Variants in PDE12 observed in about 807,000 individuals in gnomAD.
PDE12 encodes phosphodiesterase 12, also known as 2',5'-phosphodiesterase 12.
In PDE12, 26 loss-of-function variants were observed where a neutral mutation model predicts 45.4. The ratio of observed to expected loss-of-function variants is 0.57; its 90% confidence interval spans 0.42 to 0.79. The LOEUF (loss-of-function observed/expected upper bound fraction) is 0.79. Ranked by LOEUF, PDE12 falls within the 30% of genes least tolerant of loss-of-function variation. The pLI, the probability that PDE12 is intolerant of heterozygous loss-of-function variation, is 0.00. For synonymous variants in PDE12, 283 were observed against 323.9 expected (o/e 0.87, Z 1.36); for missense variants, 668 against 790.0 (o/e 0.85, Z 1.85).
At chr3:57,647,513 G>A in the PDE12 span, among the ~76,000 whole-genome samples, 4 of 152,156 alleles carry the variant, frequency 2.6e-5, no homozygotes, top group Non-Finnish European at 4.4e-5. Context: ...CAAATGTGGT[G>A]AGCAATGTAT....
At chr3:57,568,875 A>G (rs972098139), downstream of PDE12, among the ~76,000 whole-genome samples, 1 of 138,320 alleles carries the variant, frequency 7.2e-6, no homozygotes, top group Non-Finnish European at 1.6e-5. Flanking sequence ...AAAAAAAAAA[A>G]TGCTTATTGG....
At chr3:57,596,768 A>T in the PDE12 span, 1 of 318,900 alleles carries the variant, frequency 3.1e-6, no homozygotes, top group Admixed American at 4.6e-5. Flanking sequence ...TGCTTCCCAG[A>T]GTTGGCTTTC....
the PDE12 span, among the ~76,000 whole-genome samples, chr3:57,606,810 T>C: frequency 6.6e-6 from 1 of 152,252 alleles, no homozygotes; most frequent in East Asian, 1.9e-4. Context: ...GATGGCCGAA[T>C]AGGAACAGCT....
chr3:57,618,459 G>C, the PDE12 span, among the ~76,000 whole-genome samples: 1 of 151,966 alleles, frequency 6.6e-6, no homozygotes, highest in South Asian at 2.1e-4. Flanking sequence ...GTCTCACTCT[G>C]TTGCCCAGGC....
At chr3:57,577,526 T>C in the PDE12 span, 8 of 651,346 alleles carry the variant, frequency 1.2e-5, no homozygotes, top group Non-Finnish European at 2.1e-5. Context: ...AAGGCTGTAA[T>C]GCTAAAAGCT....
At chr3:57,627,558 A>G in the PDE12 span, 1 of 152,210 alleles carries the variant, frequency 6.6e-6, no homozygotes, top group Non-Finnish European at 1.5e-5. Context: ...GGAAGGGAAA[A>G]TAATGAAAAT....
the PDE12 span, among the ~76,000 whole-genome samples, chr3:57,622,898 A>G: frequency 3.3e-5 from 5 of 152,216 alleles, no homozygotes; most frequent in South Asian, 2.1e-4. Context: ...TAGAAAATAC[A>G]AACTATAGTG....
chr3:57,569,418 T>A (rs1160120133), downstream of PDE12, among the ~76,000 whole-genome samples: 1 of 152,120 alleles, frequency 6.6e-6, no homozygotes, highest in African/African-American at 2.4e-5. Flanking sequence ...AATGGTGCGG[T>A]CTTGGCTCAC....
At chr3:57,653,441 C>T in the PDE12 span, among the ~76,000 whole-genome samples, 10 of 151,994 alleles carry the variant, frequency 6.6e-5, no homozygotes, top group African/African-American at 2.4e-4. Context: ...AAACTTCTCT[C>T]GAACTAAAAA....
the PDE12 span, among the ~76,000 whole-genome samples, chr3:57,632,288 T>G: frequency 6.6e-6 from 1 of 151,834 alleles, no homozygotes; most frequent in African/African-American, 2.4e-5. Context: ...TCTCCAAAAG[T>G]GCTGGGATTA....
the PDE12 span, among the ~76,000 whole-genome samples, chr3:57,650,034 A>G: frequency 1.3e-5 from 2 of 152,136 alleles, no homozygotes; most frequent in Non-Finnish European, 2.9e-5. Context: ...AAAGTAACTT[A>G]GGAATGGAAA....
chr3:57,630,437 T>G, the PDE12 span: 2 of 1,589,798 alleles, frequency 1.3e-6, no homozygotes, highest in Non-Finnish European at 1.7e-6. Flanking sequence ...ACAAAGAGCT[T>G]CTAGATGGAG....
At chr3:57,600,573 A>G in the PDE12 span, among the ~76,000 whole-genome samples, 1 of 150,156 alleles carries the variant, frequency 6.7e-6, no homozygotes. Context: ...TATTTTATGT[A>G]TTTTTGGTAG....
At chr3:57,575,316 A>G in the PDE12 span, among the ~76,000 whole-genome samples, 1 of 151,974 alleles carries the variant, frequency 6.6e-6, no homozygotes, top group Non-Finnish European at 1.5e-5. Flanking sequence ...AAAAAAAAAA[A>G]AAAAGAAAAA....
chr3:57,587,097 T>A, the PDE12 span, among the ~76,000 whole-genome samples: 1 of 152,038 alleles, frequency 6.6e-6, no homozygotes, highest in South Asian at 2.1e-4. Context: ...GGTGGGCGAA[T>A]CACCTGAGGC....
chr3:57,577,030 A>G, the PDE12 span, among the ~76,000 whole-genome samples: 3 of 151,796 alleles, frequency 2.0e-5, no homozygotes, highest in African/African-American at 7.3e-5. Context: ...AGAGATAGGC[A>G]TCAAGATTAC....
the PDE12 span, chr3:57,630,732 A>G: frequency 2.5e-6 from 4 of 1,613,710 alleles, no homozygotes; most frequent in Non-Finnish European, 3.4e-6. Flanking sequence ...GTCCAATCCA[A>G]TCGCCTTTTA....
chr3:57,633,909 T>G, the PDE12 span, among the ~76,000 whole-genome samples: 1 of 151,090 alleles, frequency 6.6e-6, no homozygotes, highest in Non-Finnish European at 1.5e-5. Flanking sequence ...AAAAAGTGAG[T>G]TCACTATAAA....
the PDE12 span, chr3:57,598,186 C>A: frequency 6.6e-6 from 1 of 151,818 alleles, no homozygotes; most frequent in East Asian, 1.9e-4. Context: ...GGTGACTCAC[C>A]GCGCCCGGCC....
Sources: allele counts gnomAD v4.1 joint callset (sites outside exome capture counted in the v4.1 genomes callset), GRCh38; gene constraint gnomAD v4.1.1; transcripts MANE v1.5; gene names NCBI Gene and HGNC (gene_info 2026-07-23, HGNC 2026-07-21).